Variants in EXTL2 observed in about 807,000 individuals in gnomAD.
The protein encoded by EXTL2 is exostosin-like 2.
Under a neutral mutation model 30.7 loss-of-function variants are expected in EXTL2, and 23 were observed. The observed-to-expected ratio is 0.75, with a 90% CI of 0.54 to 1.06. The LOEUF is 1.06. EXTL2 is among the 50% of genes least tolerant of loss of function. EXTL2 has a pLI of 0.00. For synonymous variants in EXTL2, 123 were observed against 133.8 expected, an observed-to-expected ratio of 0.92 and a Z score of 0.56; for missense variants, 352 against 396.3, an observed-to-expected ratio of 0.89 and a Z score of 0.95.
At chr1:100,894,325 CA>C (rs917507542) in intron 1 of EXTL2, among the ~76,000 whole-genome samples, 7 of 151,528 alleles carry the variant, frequency 4.6e-5, no homozygotes, top group African/African-American at 4.9e-5. Flanking sequence ...AACTTCCTTC[CA>C]AAAAAAGAGT....
chr1:100,884,678 T>A (rs1649826773), intron 2 of EXTL2, among the ~76,000 whole-genome samples: 1 of 152,160 alleles, frequency 6.6e-6, no homozygotes, highest in South Asian at 2.1e-4. Context: ...TCTGACAAAC[T>A]CTTACTCCCT....
At chr1:100,879,295 G>A (rs1489179747) in intron 2 of EXTL2, among the ~76,000 whole-genome samples, 1 of 152,062 alleles carries the variant, frequency 6.6e-6, no homozygotes, top group Non-Finnish European at 1.5e-5. Flanking sequence ...AGCATTTTAG[G>A]TATGGTCCTT....
chr1:100,877,901 C>T lies in EXTL2; in HGVS notation c.8G>A (p.Cys3Tyr), dbSNP rs1649258122. The change falls in exon 3 of 5, where the codon TGT becomes TAT. Residue 3 changes from cysteine to tyrosine, a missense_variant and splice_region_variant. Physicochemically the swap from Cys to Tyr is radical, Grantham distance 194 (BLOSUM62 -2). Transcript: ENST00000370114. This position sits in a 1 kb window ranked among gnomAD's most constrained non-coding sequence, Gnocchi z 4.1. The stretch of plus-strand genomic sequence containing the variant: ...CCCAGGAAGTTTGCAGATGTGGCAA[C>T]ACCTGGAGTAGAAATGGAAACAACA... MR[C>Y]CHICKLPGRV... 2 of 1,591,718 alleles carry T rather than the reference C, an allele frequency of 1.3e-6. No homozygotes were observed. The highest frequency in any genetic ancestry group is 2.2e-5 in the East Asian group (1 of 44,756).
intron 1 of EXTL2, among the ~76,000 whole-genome samples, chr1:100,891,619 G>C (rs905168627): frequency 1.3e-5 from 2 of 152,182 alleles, no homozygotes; most frequent in Non-Finnish European, 2.9e-5. Context: ...CTGGTTGGCA[G>C]GTCCAGGTGG....
chr1:100,877,872 C>T lies in EXTL2; in HGVS notation c.37G>A (p.Val13Ile), dbSNP rs763507992. The T allele has an allele frequency of 1.9e-6, 3 of 1,599,150 alleles. No individual in the cohort carries two copies. The highest frequency in any genetic ancestry group is 2.2e-5 in the South Asian group (2 of 91,000). ...AATCGAAGCACTCGAATCCCCATTA[C>T]TCTCCCAGGAAGTTTGCAGATGTGG... ...CCHICKLPGRVMGIRVLRLSL... is the reference protein window; with the variant it reads ...CCHICKLPGRIMGIRVLRLSL... The change falls in exon 3 of 5, where the codon GTA (valine) becomes ATA (isoleucine). Residue 13 changes from valine (V) to isoleucine (I), a missense_variant. Transcript: ENST00000370114. The surrounding 1 kb of genome is among the most constrained non-coding windows in gnomAD (Gnocchi z 4.1).
chr1:100,886,709 C>T (rs1224747338), intron 2 of EXTL2, among the ~76,000 whole-genome samples: 1 of 152,204 alleles, frequency 6.6e-6, no homozygotes, highest in African/African-American at 2.4e-5. Context: ...CGTTTTCAAG[C>T]ACCACTTGCT....
intron 4 of EXTL2, among the ~76,000 whole-genome samples, chr1:100,875,260 C>CAT (rs1649021882): frequency 6.7e-6 from 1 of 149,248 alleles, no homozygotes; most frequent in African/African-American, 2.5e-5. Context: ...CACACACACA[C>CAT]GAGGCTGAGT....
At chr1:100,884,010 G>A (rs952895582) in intron 2 of EXTL2, among the ~76,000 whole-genome samples, 1 of 152,158 alleles carries the variant, frequency 6.6e-6, no homozygotes, top group Non-Finnish European at 1.5e-5. Flanking sequence ...ATCTATCAAA[G>A]TTCCCTAGAA....
chr1:100,875,953 G>A (rs988734052), intron 4 of EXTL2, among the ~76,000 whole-genome samples: 3 of 151,960 alleles, frequency 2.0e-5, no homozygotes, highest in Non-Finnish European at 2.9e-5. Context: ...GAAAAATTTC[G>A]TTGGTCAGCA....
At chr1:100,876,473 G>A (rs747002836) in intron 4 of EXTL2, among the ~76,000 whole-genome samples, 5 of 152,040 alleles carry the variant, frequency 3.3e-5, no homozygotes, top group Non-Finnish European at 5.9e-5. Flanking sequence ...TGAGACACAT[G>A]TCTGTGGTCT....
At position 100,893,979 on chromosome 1, in the gene EXTL2, T is replaced by C. The variant is rs538654271; in HGVS notation, c.-72+654A>G. 1.9e-4 allele frequency among the ~76,000 whole-genome samples: 29 copies of C among 152,280 alleles called. No homozygotes were observed. The South Asian group carries it at 5.6e-3, about 29-fold the overall frequency. Reference sequence around the variant, plus strand: ...CATTTCAAAACTATTTGAAAAGAGGTAATGTAGGTTTCTCCATAAACCACT... The same window carrying C: ...CATTTCAAAACTATTTGAAAAGAGGCAATGTAGGTTTCTCCATAAACCACT... On this transcript the variant is annotated intron_variant, in intron 1 of 4. Coordinates refer to ENST00000370114, the MANE Select transcript of EXTL2 (RefSeq NM_001033025.3).
chr1:100,875,537 G>A (rs1649045875), intron 4 of EXTL2, among the ~76,000 whole-genome samples: 1 of 151,938 alleles, frequency 6.6e-6, no homozygotes. Flanking sequence ...ATTGGCTAGA[G>A]AGGGAAAAGG....
intron 2 of EXTL2, among the ~76,000 whole-genome samples, chr1:100,881,583 A>C (rs1649560739): frequency 6.6e-6 from 1 of 152,172 alleles, no homozygotes; most frequent in Admixed American, 6.5e-5. Flanking sequence ...GCCTCATTCC[A>C]AAAAGGATCT....
At chr1:100,889,841 C>T (rs1012383888) in intron 1 of EXTL2, among the ~76,000 whole-genome samples, 2 of 152,220 alleles carry the variant, frequency 1.3e-5, no homozygotes, top group African/African-American at 2.4e-5. Context: ...TTTCAGGGTA[C>T]AGTCCCCCTC....
At position 100,874,227 on chromosome 1, in the gene EXTL2, C is replaced by G; in HGVS notation, c.708G>C (p.Leu236Phe). 6.2e-7 allele frequency: 1 copy of G among 1,612,866 alleles called. No individual in the cohort carries two copies. Among genetic ancestry groups the G allele is most frequent in the South Asian group, 1.1e-5 (1 of 91,024 alleles). ...CATCACAGTTTTGAGTATCATCTAT[C>G]AAAGCATGGACAGCTGCAGGTTGCC... ...FQRQPAAVHA[L>F]IDDTQNCDDI... is the part of the protein sequence containing the mutation. Residue 236 changes from leucine (L) to phenylalanine (F), a missense_variant, in exon 5 of 5, where the codon TTG (leucine) becomes TTC (phenylalanine). Physicochemically the swap from Leu to Phe is conservative, Grantham distance 22. Transcript: ENST00000370114.
rs770251306 is a variant in EXTL2 at position 100,876,844 on chromosome 1, C to T, written c.454G>A (p.Asp152Asn). ...ETNAVLMVDDDTLISTPDLVF... is the reference protein window; with the variant it reads ...ETNAVLMVDDNTLISTPDLVF... Reference sequence around the variant, plus strand: ...AGGTCTGGGGTGCTGATGAGTGTGTCATCATCTACCATCAACACTGCTAAA... The same window carrying T: ...AGGTCTGGGGTGCTGATGAGTGTGTTATCATCTACCATCAACACTGCTAAA... The change falls in exon 4 of 5, where the codon GAC becomes AAC. Residue 152 changes from aspartate (D) to asparagine (N), a missense_variant. Transcript: ENST00000370114. 1 of 1,611,594 alleles carries T rather than the reference C, an allele frequency of 6.2e-7. No homozygotes were observed. The highest frequency in any genetic ancestry group is 8.5e-7 in the Non-Finnish European group (1 of 1,178,196).
At chr1:100,880,885 C>G (rs1029306742) in intron 2 of EXTL2, 4 of 861,782 alleles carry the variant, frequency 4.6e-6, no homozygotes, top group Non-Finnish European at 5.6e-6. Flanking sequence ...CAGTTTTAAT[C>G]TAGAAAAAGT....
At position 100,881,802 on chromosome 1, in the gene EXTL2, T is replaced by C. The variant is rs562993952; in HGVS notation, c.6-3899A>G. 7.2e-5 allele frequency among the ~76,000 whole-genome samples: 11 copies of C among 152,344 alleles called. No homozygotes were observed. The South Asian group carries it at 2.3e-3, about 32-fold the overall frequency. On this transcript the variant is annotated intron_variant, in intron 2 of 4. Transcript: ENST00000370114. Reference sequence around the variant, plus strand: ...GGTAGAGAACACATCCTTTTAGTTATTTTGATACATTGTTACTTAGCGTCT... The same window carrying C: ...GGTAGAGAACACATCCTTTTAGTTACTTTGATACATTGTTACTTAGCGTCT...
chr1:100,876,960 G>A, intron 3 of EXTL2, 96 bp from the exon 4 acceptor site: 8 of 749,844 alleles, frequency 1.1e-5, no homozygotes, highest in South Asian at 7.1e-5. Flanking sequence ...TTCAAATGAA[G>A]TATTTTCTGA....
Sources: allele counts gnomAD v4.1 joint callset (sites outside exome capture counted in the v4.1 genomes callset), GRCh38; gene constraint gnomAD v4.1.1; non-coding constraint Gnocchi (gnomAD v3.1); transcripts MANE v1.5; gene names NCBI Gene and HGNC (gene_info 2026-07-23, HGNC 2026-07-21).